The following FBXL13 variants were observed in gnomAD, a reference collection of about 807,000 sequenced individuals.
FBXL13 encodes the protein F-box and leucine rich repeat protein 13, also known as F-box and leucine-rich repeat protein 13.
FBXL13 carries 67 observed loss-of-function variants against 83.6 expected under a neutral mutation model. That is an observed-to-expected ratio of 0.80 (90% CI 0.66 to 0.98). FBXL13 has a LOEUF of 0.98. FBXL13 is among the 50% of genes least tolerant of loss of function. The pLI is 0.00. For synonymous variants in FBXL13, 272 were observed against 299.5 expected (o/e 0.91, Z 0.95); for missense variants, 822 against 866.5 (o/e 0.95, Z 0.64).
chr7:103,042,663 C>G (rs1795848992), intron 2 of FBXL13, among the ~76,000 whole-genome samples: 1 of 152,168 alleles, frequency 6.6e-6, no homozygotes. Context: ...AGAAATAACA[C>G]AACACATCTA....
intron 16 of FBXL13, among the ~76,000 whole-genome samples, chr7:102,861,973 C>T (rs1043432300): frequency 1.6e-5 from 2 of 125,212 alleles, no homozygotes; most frequent in Non-Finnish European, 3.2e-5. Flanking sequence ...CAGAGTGAGA[C>T]TGTGTCTCCA....
chr7:102,821,282 T>C (rs1798777369), intron 19 of FBXL13, among the ~76,000 whole-genome samples: 1 of 152,194 alleles, frequency 6.6e-6, no homozygotes, highest in Admixed American at 6.5e-5. Flanking sequence ...TTCTCTCTGA[T>C]CCAACTCCAG....
At chr7:103,056,497 C>T (rs571690767) in intron 1 of FBXL13, among the ~76,000 whole-genome samples, 25 of 152,144 alleles carry the variant, frequency 1.6e-4, no homozygotes, top group Admixed American at 7.2e-4. Flanking sequence ...TTGCTCTTGT[C>T]GCCCAGGTTG....
At chr7:103,016,734 C>A (rs959309566) in intron 6 of FBXL13, among the ~76,000 whole-genome samples, 1 of 152,150 alleles carries the variant, frequency 6.6e-6, no homozygotes, top group Non-Finnish European at 1.5e-5. Flanking sequence ...ATTGCTCGCA[C>A]AGCAGTCTGA....
intron 6 of FBXL13, among the ~76,000 whole-genome samples, chr7:103,017,614 T>C (rs1792524884): frequency 6.6e-6 from 1 of 152,130 alleles, no homozygotes; most frequent in South Asian, 2.1e-4. Flanking sequence ...ATAACTAGTG[T>C]AGAGAAGTCC....
At chr7:102,886,154 A>G (rs2129459485) in intron 11 of FBXL13, among the ~76,000 whole-genome samples, 1 of 152,338 alleles carries the variant, frequency 6.6e-6, no homozygotes, top group African/African-American at 2.4e-5. Flanking sequence ...TTACCTTAAG[A>G]TAATTTGTTA....
At chr7:102,938,668 G>A (rs1224911020) in intron 8 of FBXL13, among the ~76,000 whole-genome samples, 5 of 152,118 alleles carry the variant, frequency 3.3e-5, no homozygotes, top group Non-Finnish European at 7.4e-5. Context: ...CTTCTGGTCT[G>A]GGGAAATGTA....
intron 17 of FBXL13, among the ~76,000 whole-genome samples, chr7:102,838,042 C>T (rs577853402): frequency 1.2e-4 from 18 of 152,268 alleles, no homozygotes; most frequent in Admixed American, 9.8e-4. Flanking sequence ...AATGAGCTTC[C>T]ATATATGGCC....
chr7:102,817,961 A>G (rs374578471), intron 19 of FBXL13, among the ~76,000 whole-genome samples: 34 of 152,248 alleles, frequency 2.2e-4, no homozygotes, highest in African/African-American at 7.0e-4. Context: ...ATGATATGTC[A>G]TAGTTGTAAC....
intron 11 of FBXL13, among the ~76,000 whole-genome samples, chr7:102,900,894 T>C (rs531864754): frequency 9.8e-5 from 15 of 152,380 alleles, no homozygotes; most frequent in Non-Finnish European, 1.8e-4. Context: ...AAATACTAAC[T>C]TCATTGTGTT....
intron 11 of FBXL13, among the ~76,000 whole-genome samples, chr7:102,898,786 G>A (rs1285815988): frequency 1.3e-5 from 2 of 152,182 alleles, no homozygotes; most frequent in Admixed American, 6.5e-5. Flanking sequence ...CGTCAAACAT[G>A]AGCATGTGAC....
chr7:102,951,283 A>G (rs1484476485), intron 8 of FBXL13, among the ~76,000 whole-genome samples: 1 of 151,762 alleles, frequency 6.6e-6, no homozygotes, highest in Non-Finnish European at 1.5e-5. Context: ...CTTGGCTAAC[A>G]TGGTGAAACC....
At chr7:102,984,365 C>T (rs1040367750) in intron 6 of FBXL13, among the ~76,000 whole-genome samples, 2 of 152,110 alleles carry the variant, frequency 1.3e-5, no homozygotes, top group Non-Finnish European at 2.9e-5. Context: ...TATTTATCTA[C>T]CTATCTATCC....
chr7:102,942,654 C>T (rs1337418434), intron 8 of FBXL13, among the ~76,000 whole-genome samples: 1 of 152,056 alleles, frequency 6.6e-6, no homozygotes, highest in East Asian at 1.9e-4. Flanking sequence ...TAGAAAAAAT[C>T]CAGTATCTTC....
chr7:102,927,778 T>C (rs1035799419), intron 9 of FBXL13, among the ~76,000 whole-genome samples: 1 of 152,162 alleles, frequency 6.6e-6, no homozygotes, highest in Non-Finnish European at 1.5e-5. Flanking sequence ...AAATGAAGGA[T>C]TTGAATAGGT....
At chr7:102,922,426 G>C (rs569707169) in intron 10 of FBXL13, among the ~76,000 whole-genome samples, 2 of 151,846 alleles carry the variant, frequency 1.3e-5, no homozygotes, top group Non-Finnish European at 2.9e-5. Context: ...TTAATTATTG[G>C]TTTACTGATA....
chr7:103,057,517 A>G (rs932016980), intron 1 of FBXL13, among the ~76,000 whole-genome samples: 13 of 152,210 alleles, frequency 8.5e-5, no homozygotes, highest in African/African-American at 2.9e-4. Context: ...ATCCACCATT[A>G]AAATGTGTGA....
At chr7:102,924,805 T>C (rs772402255) in intron 10 of FBXL13, among the ~76,000 whole-genome samples, 4 of 151,912 alleles carry the variant, frequency 2.6e-5, no homozygotes, top group Non-Finnish European at 5.9e-5. Flanking sequence ...CGCACCCGGC[T>C]AATTTTTTCT....
At chr7:102,920,632 C>G (rs190496867) in intron 10 of FBXL13, among the ~76,000 whole-genome samples, 49 of 152,194 alleles carry the variant, frequency 3.2e-4, no homozygotes, top group African/African-American at 1.1e-3. Flanking sequence ...TTACAGCAAG[C>G]CACCACGCAT....
Sources: allele counts gnomAD v4.1 joint callset (sites outside exome capture counted in the v4.1 genomes callset), GRCh38; gene constraint gnomAD v4.1.1; transcripts MANE v1.5; gene names NCBI Gene and HGNC (gene_info 2026-07-23, HGNC 2026-07-21).